Variants in FOXN3 observed in about 807,000 individuals in gnomAD.
The protein encoded by FOXN3 is forkhead box protein N3.
A neutral mutation model predicts 38.4 loss-of-function variants in FOXN3; 7 were observed. The ratio of observed to expected loss-of-function variants is 0.18; its 90% CI spans 0.10 to 0.34. FOXN3 has a LOEUF of 0.34. Ranked by LOEUF, FOXN3 falls within the 10% of genes least tolerant of loss-of-function variation. The pLI is 1.00. For synonymous variants in FOXN3, 230 were observed against 242.2 expected, an observed-to-expected ratio of 0.95 and a Z score of 0.47; for missense variants, 456 against 613.4, an observed-to-expected ratio of 0.74 and a Z score of 2.71.
At chr14:89,179,085 G>A (rs920371319) in intron 5 of FOXN3, among the ~76,000 whole-genome samples, 6 of 152,176 alleles carry the variant, frequency 3.9e-5, no homozygotes, top group Non-Finnish European at 7.3e-5. Flanking sequence ...ATGGAAAGAG[G>A]CTTACCACTT....
chr14:89,538,507 T>C (rs1294391061), intron 1 of FOXN3, among the ~76,000 whole-genome samples: 1 of 152,164 alleles, frequency 6.6e-6, no homozygotes, highest in Non-Finnish European at 1.5e-5. Flanking sequence ...TTTTCCTTTT[T>C]CCTTTTCTTT....
intron 3 of FOXN3, among the ~76,000 whole-genome samples, chr14:89,309,052 G>C (rs1011046215): frequency 3.9e-5 from 6 of 152,160 alleles, no homozygotes; most frequent in Non-Finnish European, 8.8e-5. Flanking sequence ...CTATAAAACT[G>C]TCTCTTTGTT....
At chr14:89,324,227 CAA>C (rs1887976636) in intron 3 of FOXN3, among the ~76,000 whole-genome samples, 1 of 152,192 alleles carries the variant, frequency 6.6e-6, no homozygotes, top group Non-Finnish European at 1.5e-5. Flanking sequence ...AAGAAATCTG[CAA>C]AGTTTTCTGT....
intron 4 of FOXN3, among the ~76,000 whole-genome samples, chr14:89,220,505 C>T (rs963774760): frequency 3.3e-5 from 5 of 152,114 alleles, no homozygotes; most frequent in East Asian, 1.9e-4. Flanking sequence ...GCTGGTGATA[C>T]GACTGATTTT....
At chr14:89,192,000 T>C (rs1887961564) in intron 4 of FOXN3, among the ~76,000 whole-genome samples, 1 of 142,140 alleles carries the variant, frequency 7.0e-6, no homozygotes, top group Non-Finnish European at 1.5e-5. Flanking sequence ...ATATATTAGC[T>C]AATATAATTA....
intron 1 of FOXN3, among the ~76,000 whole-genome samples, chr14:89,508,375 G>T (rs535368602): frequency 1.3e-5 from 2 of 152,294 alleles, no homozygotes; most frequent in South Asian, 4.1e-4. Context: ...TATGAGGAAA[G>T]AACATCTTCT....
chr14:89,586,838 C>T (rs185538079), intron 1 of FOXN3, among the ~76,000 whole-genome samples: 98 of 152,228 alleles, frequency 6.4e-4, no homozygotes, highest in African/African-American at 2.3e-3. Context: ...TAAGCTTTTC[C>T]TATCAATGCA....
Position 89,206,972 on chromosome 14 carries a change from T to C in FOXN3, c.746-26166A>G, listed in dbSNP as rs185007624. On this transcript the variant is annotated intron_variant, in intron 4 of 5. Transcript: ENST00000557258. ...CAGAGGGGAAATAAAAATGAGTATC[T>C]GTTTTTAAGCCAACAATTCAATCTC... is the stretch of plus-strand genomic sequence containing the variant. Among the ~76,000 whole-genome samples the C allele has an allele frequency of 6.2e-3, 942 of 152,286 alleles. 3 individuals are homozygous for C. The highest frequency in any genetic ancestry group is 8.5e-3 in the Non-Finnish European group (579 of 68,024).
chr14:89,539,920 GAA>G (rs1444580526), intron 1 of FOXN3, among the ~76,000 whole-genome samples: 1 of 152,174 alleles, frequency 6.6e-6, no homozygotes, highest in Non-Finnish European at 1.5e-5. Flanking sequence ...TACCAAAATG[GAA>G]GAGAAGTCTG....
At chr14:89,313,586 C>T (rs1051643242) in intron 3 of FOXN3, among the ~76,000 whole-genome samples, 1 of 65,744 alleles carries the variant, frequency 1.5e-5, no homozygotes, top group Non-Finnish European at 3.2e-5. Context: ...TGACAAGAGA[C>T]GAAGTCCATG....
intron 4 of FOXN3, among the ~76,000 whole-genome samples, chr14:89,245,603 T>G (rs538220621): frequency 6.6e-6 from 1 of 152,248 alleles, no homozygotes; most frequent in Admixed American, 6.5e-5. Flanking sequence ...AAACCACTTA[T>G]GAAATAAAGT....
At chr14:89,418,894 G>A (rs115975121), upstream of FOXN3, among the ~76,000 whole-genome samples, 2,649 of 152,040 alleles carry the variant, frequency 0.017, 81 homozygotes, top group African/African-American at 0.057. Context: ...GGACGAAGTC[G>A]CCCCCTTACA....
intron 1 of FOXN3, among the ~76,000 whole-genome samples, chr14:89,507,118 T>C (rs1893956913): frequency 1.2e-5 from 1 of 81,874 alleles, no homozygotes; most frequent in African/African-American, 3.5e-5. Flanking sequence ...CCAAGAATGA[T>C]CAATAAAAAA....
At chr14:89,575,779 C>T (rs747151101) in intron 1 of FOXN3, among the ~76,000 whole-genome samples, 10 of 152,224 alleles carry the variant, frequency 6.6e-5, no homozygotes, top group African/African-American at 9.6e-5. Context: ...CCAGTTCACG[C>T]TTTTGTCTAC....
intron 2 of FOXN3, among the ~76,000 whole-genome samples, chr14:89,399,504 T>C (rs904229123): frequency 1.3e-5 from 2 of 152,200 alleles, no homozygotes; most frequent in African/African-American, 4.8e-5. Context: ...GCTGTTATGT[T>C]TTTGGGACAA....
At chr14:89,517,918 G>T (rs949675432) in intron 1 of FOXN3, among the ~76,000 whole-genome samples, 1 of 152,204 alleles carries the variant, frequency 6.6e-6, no homozygotes, top group Non-Finnish European at 1.5e-5. Flanking sequence ...AAACGTGTTA[G>T]AGCAAAACTC....
chr14:89,265,069 G>A (rs1313239362), intron 4 of FOXN3, among the ~76,000 whole-genome samples: 3 of 152,174 alleles, frequency 2.0e-5, no homozygotes, highest in Non-Finnish European at 4.4e-5. Flanking sequence ...TGTTCAAACT[G>A]TATGTCACAA....
In FOXN3 at chr14:89,385,005, C is replaced by T. The variant is rs1419971901; in HGVS notation, c.543+26929G>A. Among the ~76,000 whole-genome samples, 6 of 152,306 alleles carry T rather than the reference C, an allele frequency of 3.9e-5. No homozygotes were observed. In the East Asian group the frequency reaches 1.2e-3, roughly 29 times the overall value. On this transcript the variant is annotated intron_variant, in intron 2 of 5. Coordinates refer to ENST00000557258, the MANE Select transcript of FOXN3 (RefSeq NM_005197.4). ...TTATGTCTCTCCCCTAAGTCGGCATCTTACCAGGGAAGGAGAATTATGGAA... is the reference window on the plus strand; with the variant it reads ...TTATGTCTCTCCCCTAAGTCGGCATTTTACCAGGGAAGGAGAATTATGGAA...
At chr14:89,460,118 A>C (rs1379302907) in intron 1 of FOXN3, among the ~76,000 whole-genome samples, 1 of 152,118 alleles carries the variant, frequency 6.6e-6, no homozygotes, top group Non-Finnish European at 1.5e-5. Context: ...GAAAGCAAGG[A>C]GCTTCTTTTT....
Sources: gnomAD v4.1 joint callset for allele counts (sites outside exome capture counted in the v4.1 genomes callset) on GRCh38, gnomAD v4.1.1 for gene constraint, MANE v1.5 for transcripts, NCBI Gene and HGNC (gene_info 2026-07-23, HGNC 2026-07-21) for gene names.